ARHGAP5: variants seen among roughly 807,000 people sequenced by gnomAD.
ARHGAP5 encodes the protein Rho GTPase activating protein 5, also known as rho GTPase-activating protein 5.
A neutral mutation model predicts 116.6 loss-of-function variants in ARHGAP5; 23 were observed. That is an observed-to-expected ratio of 0.20 (90% CI 0.14 to 0.28). The LOEUF (loss-of-function observed/expected upper bound fraction) is 0.28. Ranked by LOEUF, ARHGAP5 falls within the 10% of genes least tolerant of loss-of-function variation. The pLI is 1.00. For missense variants in ARHGAP5, 1,405 were observed against 1,774.8 expected (o/e 0.79, Z 3.74); for synonymous variants, 574 against 602.0 (o/e 0.95, Z 0.68).
intron 1 of ARHGAP5, among the ~76,000 whole-genome samples, chr14:32,088,092 T>C (rs1000110961): frequency 1.3e-5 from 2 of 152,016 alleles, no homozygotes; most frequent in African/African-American, 2.4e-5. Context: ...GGGTTTATGC[T>C]ATTGGAGAGC....
rs750575178 is a variant in ARHGAP5 at position 32,094,021 on chromosome 14, C to A, written c.3352C>A (p.Arg1118Ser). 6.2e-7 allele frequency: 1 copy of A among 1,612,980 alleles called. No homozygotes were observed. Among genetic ancestry groups the A allele is most frequent in the Admixed American group, 1.7e-5 (1 of 59,760 alleles). ...TGTTGTCCCAGATGATAGTCAAAATCGTATTAAAATTCGAAACTCATTTGT... is the reference window on the plus strand; with the variant it reads ...TGTTGTCCCAGATGATAGTCAAAATAGTATTAAAATTCGAAACTCATTTGT... ...IYVVPDDSQN[R>S]IKIRNSFVNN... The change falls in exon 2 of 7, where the codon CGT becomes AGT. Residue 1118 changes from arginine to serine, a missense_variant. Physicochemically the swap from Arg to Ser is moderately radical, Grantham distance 110. Around this residue, in one of 6 missense-constraint regions of ARHGAP5, gnomAD observed 944 missense variants for 1,095.3 expected, o/e 0.86. Coordinates refer to ENST00000345122, the MANE Select transcript of ARHGAP5 (RefSeq NM_001030055.2).
At chr14:32,121,688 A>G (rs540643764) in intron 3 of ARHGAP5, among the ~76,000 whole-genome samples, 3 of 152,320 alleles carry the variant, frequency 2.0e-5, no homozygotes, top group African/African-American at 7.2e-5. Context: ...CTTCACCACA[A>G]TCAATTTTAG....
chr14:32,121,208 AT>A (rs1182784847), intron 3 of ARHGAP5, among the ~76,000 whole-genome samples: 17 of 151,576 alleles, frequency 1.1e-4, no homozygotes, highest in Non-Finnish European at 2.2e-4. Context: ...GGGTTTTGCC[AT>A]TTTCCCCAGC....
intron 6 of ARHGAP5, among the ~76,000 whole-genome samples, chr14:32,153,761 G>A (rs1439633145): frequency 6.6e-6 from 1 of 151,908 alleles, no homozygotes; most frequent in Non-Finnish European, 1.5e-5. Context: ...GTGATCTACC[G>A]CACCTGCTGC....
intron 3 of ARHGAP5, among the ~76,000 whole-genome samples, chr14:32,134,905 GATC>G (rs1880705788): frequency 6.6e-6 from 1 of 152,162 alleles, no homozygotes. Flanking sequence ...ATGACTCCCA[GATC>G]TTTATCTCTC....
At chr14:32,143,224 G>GTTATTATTATTA (rs1427657144) in intron 3 of ARHGAP5, among the ~76,000 whole-genome samples, 7 of 147,178 alleles carry the variant, frequency 4.8e-5, no homozygotes, top group African/African-American at 1.3e-4. Context: ...TGTTGTTGTT[G>GTTATTATTATTA]TTGTTGTTGT....
In ARHGAP5 at chr14:32,137,908, G is replaced by A. The variant is rs144360921; in HGVS notation, c.3866-8355G>A. Among the ~76,000 whole-genome samples, 278 of 150,672 alleles carry A rather than the reference G, an allele frequency of 1.8e-3. 1 individual carries two copies. Among genetic ancestry groups the A allele is most frequent in the African/African-American group, 6.5e-3 (267 of 41,074 alleles). ...AGTCCCTTGAACCCAGGATGGGGAG[G>A]TTGCAGTGAGCCAAGATCATGCCAT... On this transcript the variant is annotated intron_variant, in intron 3 of 6. Transcript: ENST00000345122.
chr14:32,132,208 A>C (rs1269688458), intron 3 of ARHGAP5, among the ~76,000 whole-genome samples: 1 of 152,194 alleles, frequency 6.6e-6, no homozygotes, highest in African/African-American at 2.4e-5. Context: ...CCAACAGTGT[A>C]AAAGTGTTCC....
At chr14:32,107,589 A>G (rs1291733943) in intron 2 of ARHGAP5, among the ~76,000 whole-genome samples, 2 of 152,208 alleles carry the variant, frequency 1.3e-5, no homozygotes, top group African/African-American at 4.8e-5. Flanking sequence ...AAGTTGTACC[A>G]ATAGGGCTTG....
chr14:32,123,986 C>A (rs1880018429), intron 3 of ARHGAP5, among the ~76,000 whole-genome samples: 1 of 152,116 alleles, frequency 6.6e-6, no homozygotes. Context: ...CAGTATTCAA[C>A]CAAAGAACCC....
At chr14:32,138,843 T>C (rs1880948671) in intron 3 of ARHGAP5, among the ~76,000 whole-genome samples, 1 of 152,208 alleles carries the variant, frequency 6.6e-6, no homozygotes, top group Non-Finnish European at 1.5e-5. Flanking sequence ...GGATTTTTCA[T>C]AAATGTCCTT....
chr14:32,131,862 G>A (rs1880516327), intron 3 of ARHGAP5, among the ~76,000 whole-genome samples: 1 of 152,188 alleles, frequency 6.6e-6, no homozygotes, highest in East Asian at 1.9e-4. Context: ...GCGATAGTTT[G>A]CTGAGAATGA....
chr14:32,100,437 C>T (rs1453895509), intron 2 of ARHGAP5, among the ~76,000 whole-genome samples: 3 of 152,078 alleles, frequency 2.0e-5, no homozygotes, highest in Admixed American at 1.3e-4. Context: ...GGCCTCAAGC[C>T]GTCCTCTACC....
intron 1 of ARHGAP5, among the ~76,000 whole-genome samples, chr14:32,082,680 C>T (rs1441241645): frequency 1.3e-5 from 2 of 152,178 alleles, no homozygotes; most frequent in Admixed American, 6.5e-5. Flanking sequence ...GCTGGGATTA[C>T]AGGCACACGC....
intron 3 of ARHGAP5, among the ~76,000 whole-genome samples, chr14:32,125,752 C>A (rs145390691): frequency 4.5e-4 from 68 of 152,282 alleles, no homozygotes; most frequent in African/African-American, 1.5e-3. Flanking sequence ...AATATTAAGT[C>A]TTCGAATCCA....
intron 3 of ARHGAP5, among the ~76,000 whole-genome samples, chr14:32,126,997 T>C (rs1475334632): frequency 6.7e-6 from 1 of 148,704 alleles, no homozygotes; most frequent in Non-Finnish European, 1.5e-5. Context: ...AAATATGATA[T>C]CTTTTTTTTT....
rs572622206 is a variant in ARHGAP5 at position 32,094,377 on chromosome 14, A to G, written c.3708A>G (p.Glu1236=). The G allele has an allele frequency of 2.5e-6, 4 of 1,569,792 alleles. No homozygotes were observed. Among genetic ancestry groups the G allele is most frequent in the East Asian group, 4.5e-5 (2 of 44,612 alleles). The change falls in exon 2 of 7, where the codon GAA becomes GAG. Residue 1236 remains glutamate, a synonymous_variant. Coordinates refer to ENST00000345122, the MANE Select transcript of ARHGAP5 (RefSeq NM_001030055.2). ...AGAAGAAAACCCACAAAGTGAAAGA[A>G]GATAAAAAGGTAAGGTTAACTTAAG... ...KMKKKTHKVK[E]DKKQKKKTKN...
intron 3 of ARHGAP5, among the ~76,000 whole-genome samples, chr14:32,124,140 C>A (rs538658815): frequency 6.6e-6 from 1 of 152,226 alleles, no homozygotes; most frequent in South Asian, 2.1e-4. Context: ...TTCCACCTCC[C>A]ATCACTAACT....
chr14:32,143,145 G>C (rs1244861984), intron 3 of ARHGAP5, among the ~76,000 whole-genome samples: 2 of 152,128 alleles, frequency 1.3e-5, no homozygotes, highest in Admixed American at 6.5e-5. Context: ...TTAAGGGTTA[G>C]TGACCTTTTC....
Sources: allele counts gnomAD v4.1 joint callset (sites outside exome capture counted in the v4.1 genomes callset), GRCh38; gene constraint gnomAD v4.1.1; regional missense constraint gnomAD v4.1.1; transcripts MANE v1.5; gene names NCBI Gene and HGNC (gene_info 2026-07-23, HGNC 2026-07-21).